The following TENM1 variants were observed in gnomAD, a reference collection of about 807,000 sequenced individuals.
TENM1 encodes the protein teneurin-1.
A neutral mutation model predicts 174.8 loss-of-function variants in TENM1; 35 were observed. The ratio of observed to expected loss-of-function variants is 0.20; its 90% CI spans 0.15 to 0.27. The LOEUF (loss-of-function observed/expected upper bound fraction) is 0.27. TENM1 is among the 10% of genes least tolerant of loss of function. The probability of loss-of-function intolerance (pLI) is 1.00; values close to 1 mark genes in which losing one functional copy is unlikely to be tolerated. For missense variants in TENM1, 1,633 were observed against 2,130.1 expected, an observed-to-expected ratio of 0.77 and a Z score of 4.59; for synonymous variants, 781 against 798.7, an observed-to-expected ratio of 0.98 and a Z score of 0.37.
rs756826130 is a variant in TENM1 at position 124,823,743 on chromosome X, T to C, written c.535+70553A>G. On this transcript the variant is annotated intron_variant, in intron 3 of 31. Coordinates refer to ENST00000422452, the Ensembl canonical transcript of TENM1. ...AAAATGCTATACTAAAGATAAAATT[T>C]AGAAACAATATTAAAATGCTATACT... 9.0e-5 allele frequency among the ~76,000 whole-genome samples: 10 copies of C among 111,118 alleles called. No individual in the cohort carries two copies. In the South Asian group the frequency reaches 3.8e-3, roughly 42 times the overall value.
At chrX:124,994,696 C>T in the TENM1 span, among the ~76,000 whole-genome samples, 451 of 110,254 alleles carry the variant, frequency 4.1e-3, 4 homozygotes, top group African/African-American at 0.014. Flanking sequence ...AATTTCATAT[C>T]TTCTCTATTG....
At chrX:125,200,654 T>TGTGTGAGAGAGAGAGAGAGAGA in the TENM1 span, among the ~76,000 whole-genome samples, 45 of 92,412 alleles carry the variant, frequency 4.9e-4, no homozygotes, top group African/African-American at 1.9e-3. Context: ...TGTGTGTGTG[T>TGTGTGAGAGAGAGAGAGAGAGA]GAGAGAGAGA....
intron 5 of TENM1, among the ~76,000 whole-genome samples, chrX:124,692,409 C>T (rs1013208923): frequency 9.0e-6 from 1 of 110,683 alleles, no homozygotes; most frequent in African/African-American, 3.3e-5. Flanking sequence ...ATAGAACAAA[C>T]CTGCACATGT....
At chrX:124,453,258 C>G in intron 23 of TENM1, 79 bp downstream of exon 26, 1 of 994,121 alleles carries the variant, frequency 1.0e-6, no homozygotes, top group Non-Finnish European at 1.4e-6. Context: ...TCCATTCTAC[C>G]TCATTTCTAC....
intron 4 of TENM1, among the ~76,000 whole-genome samples, chrX:124,722,806 C>T (rs1250434349): frequency 5.1e-5 from 5 of 97,112 alleles, no homozygotes; most frequent in African/African-American, 7.8e-5. Context: ...TGCCACTGCA[C>T]TCCAGCCTGG....
intron 2 of TENM1, among the ~76,000 whole-genome samples, chrX:124,895,606 T>C (rs2057549271): frequency 8.9e-6 from 1 of 111,982 alleles, no homozygotes; most frequent in Admixed American, 9.5e-5. Context: ...TTCATCTCAC[T>C]GTTCATTTAT....
chrX:125,109,186 TACAC>T, the TENM1 span, among the ~76,000 whole-genome samples: 8,741 of 111,423 alleles, frequency 0.078, 857 homozygotes, highest in African/African-American at 0.27. Context: ...CGCACACACT[TACAC>T]ACACAGACGT....
chrX:125,066,022 T>A, the TENM1 span, among the ~76,000 whole-genome samples: 6 of 112,369 alleles, frequency 5.3e-5, no homozygotes, highest in Non-Finnish European at 1.1e-4. Context: ...GTGACCAAGA[T>A]AGCTGAATGA....
At chrX:124,794,841 C>T (rs768279487) in intron 3 of TENM1, among the ~76,000 whole-genome samples, 1 of 111,146 alleles carries the variant, frequency 9.0e-6, no homozygotes, top group Non-Finnish European at 1.9e-5. Context: ...TTTTGACACA[C>T]GGGTCTGGTT....
At chrX:125,115,342 C>T in the TENM1 span, among the ~76,000 whole-genome samples, 1 of 111,368 alleles carries the variant, frequency 9.0e-6, no homozygotes, top group Admixed American at 9.6e-5. Flanking sequence ...ACAAGGATAC[C>T]CTCTCTCCTC....
At chrX:125,013,698 A>C in the TENM1 span, among the ~76,000 whole-genome samples, 1,783 of 111,723 alleles carry the variant, frequency 0.016, 37 homozygotes, top group African/African-American at 0.053. Flanking sequence ...AAATCAGTTT[A>C]ATATTTATTA....
chrX:124,976,784 T>G, the TENM1 span, among the ~76,000 whole-genome samples: 1 of 111,546 alleles, frequency 9.0e-6, no homozygotes, highest in African/African-American at 3.3e-5. Flanking sequence ...GAAAGAGGGC[T>G]AGAATTGACT....
At chrX:124,665,786 C>G (rs750593750) in intron 6 of TENM1, among the ~76,000 whole-genome samples, 1 of 112,132 alleles carries the variant, frequency 8.9e-6, no homozygotes, top group Non-Finnish European at 1.9e-5. Flanking sequence ...AGGAAGGGAA[C>G]GGGAGTTTTG....
chrX:124,860,770 G>A (rs146806023), intron 3 of TENM1, among the ~76,000 whole-genome samples: 4 of 111,537 alleles, frequency 3.6e-5, no homozygotes, highest in African/African-American at 1.3e-4. Flanking sequence ...CTTCGTTGGA[G>A]GCAAGTTATT....
chrX:125,144,661 G>A, the TENM1 span, among the ~76,000 whole-genome samples: 1 of 111,401 alleles, frequency 9.0e-6, no homozygotes, highest in Non-Finnish European at 1.9e-5. Flanking sequence ...TGGAGGTAAC[G>A]AACAACCATG....
At position 124,435,889 on chromosome X, in the gene TENM1, G is replaced by A. The variant is rs184383861; in HGVS notation, c.4105-13251C>T. Among the ~76,000 whole-genome samples the A allele has an allele frequency of 9.9e-5, 11 of 111,501 alleles. No homozygotes were observed. In the East Asian group the frequency reaches 2.3e-3, roughly 23 times the overall value. On this transcript the variant is annotated intron_variant, in intron 23 of 31. Transcript: ENST00000422452. ...TACAGAATCATTTAAGGAAGCATGC[G>A]GGCTATAGACTTAAGCCTGAACAAA...
rs1371261795 is a variant in TENM1, at chrX:124,780,159, A to T, written c.536-42962T>A. ...TATGAGGCTAGACAGAAAAATGCCA[A>T]TGAAATAAAATTGCATTTTCAAACT... On this transcript the variant is annotated intron_variant, in intron 3 of 31. Coordinates refer to ENST00000422452, the Ensembl canonical transcript of TENM1. 2.7e-5 allele frequency among the ~76,000 whole-genome samples: 3 copies of T among 111,947 alleles called. No homozygotes were observed. The East Asian group carries it at 8.4e-4, about 31-fold the overall frequency.
At chrX:124,948,736 T>C (rs1251974099) in intron 1 of TENM1, among the ~76,000 whole-genome samples, 1 of 112,028 alleles carries the variant, frequency 8.9e-6, no homozygotes, top group Admixed American at 9.5e-5. Flanking sequence ...GTATTTTTAA[T>C]AGAGATGGTG....
In TENM1 at chrX:124,743,023, G is replaced by A. The variant is rs184858676; in HGVS notation, c.536-5826C>T. 4.5e-3 allele frequency among the ~76,000 whole-genome samples: 502 copies of A among 111,520 alleles called. 3 individuals carry two copies. The highest frequency in any genetic ancestry group is 0.014 in the African/African-American group (436 of 30,750). On this transcript the variant is annotated intron_variant, in intron 3 of 31. Coordinates refer to ENST00000422452, the Ensembl canonical transcript of TENM1. ...TTAACTATTACTACTAACTCAAAATGTATGTTACTACTTAATGGTATTTTA... is the reference window on the plus strand; with the variant it reads ...TTAACTATTACTACTAACTCAAAATATATGTTACTACTTAATGGTATTTTA...
Sources: gnomAD v4.1 joint callset for allele counts (sites outside exome capture counted in the v4.1 genomes callset) on GRCh38, gnomAD v4.1.1 for gene constraint, MANE v1.5 for transcripts, NCBI Gene and HGNC (gene_info 2026-07-23, HGNC 2026-07-21) for gene names.